The following CNOT4 variants were observed in gnomAD, a reference collection of about 807,000 sequenced individuals.
The protein encoded by CNOT4 is CCR4-NOT transcription complex subunit 4.
CNOT4 carries 8 observed loss-of-function variants against 73.8 expected under a neutral mutation model. That is an observed-to-expected ratio of 0.11 (90% CI 0.06 to 0.20). CNOT4 has a LOEUF of 0.20. CNOT4 is among the 10% of genes least tolerant of loss of function. CNOT4 has a pLI of 1.00. For synonymous variants in CNOT4, 293 were observed against 321.1 expected, an observed-to-expected ratio of 0.91 and a Z score of 0.94; for missense variants, 564 against 883.4, an observed-to-expected ratio of 0.64 and a Z score of 4.58.
At chr7:135,388,842 T>C (rs1796254373) in intron 10 of CNOT4, 2 of 1,613,154 alleles carry the variant, frequency 1.2e-6, no homozygotes, top group African/African-American at 1.3e-5. Context: ...CTTGTTGTAA[T>C]GAATGGGAAG....
intron 10 of CNOT4, among the ~76,000 whole-genome samples, chr7:135,378,209 AAAAG>A (rs1423309144): frequency 1.3e-5 from 2 of 152,342 alleles, no homozygotes; most frequent in African/African-American, 4.8e-5. Context: ...GTTTTGATTT[AAAAG>A]AGAGAGAAGG....
chr7:135,410,094 T>C (rs1467430369), intron 7 of CNOT4, among the ~76,000 whole-genome samples: 2 of 152,150 alleles, frequency 1.3e-5, no homozygotes, highest in Non-Finnish European at 2.9e-5. Context: ...CTAGATATCC[T>C]TGAATATCTG....
At chr7:135,430,232 C>T (rs953095758) in intron 2 of CNOT4, among the ~76,000 whole-genome samples, 4 of 152,102 alleles carry the variant, frequency 2.6e-5, no homozygotes, top group African/African-American at 4.8e-5. Flanking sequence ...CAAAGAAATA[C>T]CCTTTATGAC....
intron 4 of CNOT4, 41 bp downstream of exon 4, chr7:135,415,135 G>T: frequency 1.7e-6 from 2 of 1,189,950 alleles, no homozygotes; most frequent in South Asian, 1.2e-5. Flanking sequence ...GTCAAGCCCA[G>T]ACCATAGGGA....
At chr7:135,383,395 T>C (rs1299889423) in intron 10 of CNOT4, among the ~76,000 whole-genome samples, 1 of 152,238 alleles carries the variant, frequency 6.6e-6, no homozygotes, top group South Asian at 2.1e-4. Flanking sequence ...TGCTTACTTA[T>C]AGCTGTCTCA....
At chr7:135,461,901 CTG>C (rs934077051) in intron 1 of CNOT4, among the ~76,000 whole-genome samples, 11 of 152,116 alleles carry the variant, frequency 7.2e-5, no homozygotes, top group African/African-American at 2.6e-4. Flanking sequence ...TAAAAATTAA[CTG>C]TCTTTTTTTT....
chr7:135,402,083 T>G (rs76084542), intron 7 of CNOT4, among the ~76,000 whole-genome samples: 11,713 of 151,902 alleles, frequency 0.077, 616 homozygotes, highest in Non-Finnish European at 0.12. Flanking sequence ...AGTCCTAAAT[T>G]GTTTTAAAAA....
chr7:135,419,782 C>A (rs1003265152), intron 3 of CNOT4, among the ~76,000 whole-genome samples: 2 of 152,070 alleles, frequency 1.3e-5, no homozygotes, highest in African/African-American at 2.4e-5. Flanking sequence ...ATGGCTCACA[C>A]CTGTACTCCC....
At chr7:135,403,210 T>C (rs1797095399) in intron 7 of CNOT4, among the ~76,000 whole-genome samples, 1 of 152,214 alleles carries the variant, frequency 6.6e-6, no homozygotes, top group African/African-American at 2.4e-5. Context: ...TCATTTTGCT[T>C]CTAAATTAAA....
At chr7:135,453,138 T>C (rs957400548) in intron 1 of CNOT4, among the ~76,000 whole-genome samples, 10 of 152,342 alleles carry the variant, frequency 6.6e-5, no homozygotes, top group African/African-American at 2.4e-4. Context: ...TTCTAGTCCG[T>C]CTGGACTCCT....
chr7:135,434,361 ACT>A (rs1229076849), intron 2 of CNOT4, among the ~76,000 whole-genome samples: 3 of 152,196 alleles, frequency 2.0e-5, no homozygotes, highest in East Asian at 3.9e-4. Flanking sequence ...AGACTCCAAG[ACT>A]CTCTGCTGCC....
At chr7:135,453,583 G>A (rs2551769) in intron 1 of CNOT4, among the ~76,000 whole-genome samples, 43,782 of 151,168 alleles carry the variant, frequency 0.29, 6,607 homozygotes, top group East Asian at 0.52. Flanking sequence ...TGGAGGAAGC[G>A]TACAGTAAGA....
rs917999203 is a variant in CNOT4, at chr7:135,364,931, T to C, written c.1628-865A>G. Among the ~76,000 whole-genome samples, 10 of 152,246 alleles carry C rather than the reference T, an allele frequency of 6.6e-5. No individual in the cohort carries two copies. Among genetic ancestry groups the C allele is most frequent in the South Asian group, 2.1e-4 (1 of 4,832 alleles). ...GGGGAAAAGGGTGAAGTATAACAAC[T>C]ACCTAATTGTTTAACAAATACTTAG... On this transcript the variant is annotated intron_variant, in intron 10 of 11. Coordinates refer to ENST00000541284, the MANE Select transcript of CNOT4 (RefSeq NM_001190850.2). The surrounding 1 kb of genome is among the most constrained non-coding windows in gnomAD (Gnocchi z 4.3).
At position 135,413,487 on chromosome 7, in the gene CNOT4, C is replaced by T; in HGVS notation, c.687+1G>A. ...GTTGATAATTCACATGACTTTACTA[C>T]CTGCATTTCCTCTTTTGTGAAGCTG... is the stretch of plus-strand genomic sequence containing the variant. On this transcript the variant is annotated splice_donor_variant, in intron 6 of 11. Transcript: ENST00000541284. LOFTEE classifies it high-confidence loss of function. 1 of 1,611,274 alleles carries T rather than the reference C, an allele frequency of 6.2e-7. No homozygotes were observed. Among genetic ancestry groups the T allele is most frequent in the Non-Finnish European group, 8.5e-7 (1 of 1,178,086 alleles).
intron 1 of CNOT4, among the ~76,000 whole-genome samples, chr7:135,487,279 C>A (rs1802784633): frequency 6.6e-6 from 1 of 151,854 alleles, no homozygotes; most frequent in African/African-American, 2.4e-5. Context: ...TCCCTCTCAC[C>A]CAGGCTAGAG....
At chr7:135,508,920 G>A (rs1046339101) in intron 1 of CNOT4, among the ~76,000 whole-genome samples, 1 of 151,094 alleles carries the variant, frequency 6.6e-6, no homozygotes, top group Admixed American at 6.6e-5. Context: ...TGATAAAACC[G>A]GTCCAAAACG....
chr7:135,410,719 C>T (rs1428266155), intron 6 of CNOT4, 71 bp from the exon 7 acceptor site: 6 of 979,024 alleles, frequency 6.1e-6, no homozygotes, highest in Non-Finnish European at 8.4e-6. Context: ...GAATAATCTT[C>T]TGAATTATTA....
intron 1 of CNOT4, among the ~76,000 whole-genome samples, chr7:135,487,883 C>T (rs1802836296): frequency 6.6e-6 from 1 of 152,036 alleles, no homozygotes; most frequent in Non-Finnish European, 1.5e-5. Context: ...GAAACCTCGT[C>T]TCTACTAAAA....
At chr7:135,391,140 A>G (rs1314243066) in intron 10 of CNOT4, among the ~76,000 whole-genome samples, 2 of 152,172 alleles carry the variant, frequency 1.3e-5, no homozygotes, top group Non-Finnish European at 2.9e-5. Flanking sequence ...GTTAAGATGT[A>G]TATATAGTTT....
Sources: gnomAD v4.1 joint callset for allele counts (sites outside exome capture counted in the v4.1 genomes callset) on GRCh38, gnomAD v4.1.1 for gene constraint, Gnocchi (gnomAD v3.1) non-coding constraint, MANE v1.5 for transcripts, NCBI Gene and HGNC (gene_info 2026-07-23, HGNC 2026-07-21) for gene names.